VWA8: variants seen among roughly 807,000 people sequenced by gnomAD.
The protein encoded by VWA8 is von Willebrand factor A domain-containing protein 8.
VWA8 carries 221 observed loss-of-function variants against 241.5 expected under a neutral mutation model. That is an observed-to-expected ratio of 0.91 (90% CI 0.82 to 1.02). The LOEUF is 1.02. Among genes scored for constraint, VWA8 ranks in the 50% least tolerant of loss-of-function variants. The pLI, the probability that VWA8 is intolerant of heterozygous loss-of-function variation, is 0.00. For synonymous variants in VWA8, 852 were observed against 827.1 expected, an observed-to-expected ratio of 1.03 and a Z score of -0.52; for missense variants, 2,322 against 2,328.7, an observed-to-expected ratio of 1.00 and a Z score of 0.06.
At chr13:41,877,369 G>C (rs1322296838) in intron 9 of VWA8, among the ~76,000 whole-genome samples, 1 of 150,610 alleles carries the variant, frequency 6.6e-6, no homozygotes, top group Non-Finnish European at 1.5e-5. Context: ...TTACTGCTTT[G>C]ACCAGAGCTA....
intron 21 of VWA8, among the ~76,000 whole-genome samples, chr13:41,739,682 CTATTT>C (rs1464703130): frequency 1.3e-5 from 2 of 152,162 alleles, no homozygotes; most frequent in South Asian, 4.2e-4. Flanking sequence ...TACCATTTAC[CTATTT>C]TATTGAGTCT....
chr13:41,620,090 G>A (rs557186390), intron 37 of VWA8, among the ~76,000 whole-genome samples: 21 of 152,194 alleles, frequency 1.4e-4, no homozygotes, highest in African/African-American at 4.6e-4. Context: ...CTGTGAATCC[G>A]TCTGGTCCTG....
intron 2 of VWA8, among the ~76,000 whole-genome samples, chr13:41,932,678 T>C (rs950255728): frequency 6.6e-6 from 1 of 151,562 alleles, no homozygotes; most frequent in African/African-American, 2.4e-5. Context: ...ATCAATGTAA[T>C]TCACCACATT....
intron 20 of VWA8, among the ~76,000 whole-genome samples, chr13:41,775,310 T>C (rs1483748145): frequency 6.6e-6 from 1 of 152,228 alleles, no homozygotes; most frequent in Admixed American, 6.5e-5. Context: ...GAAAACTCTT[T>C]TGATATGAAA....
intron 17 of VWA8, among the ~76,000 whole-genome samples, chr13:41,790,307 G>A (rs1031236249): frequency 6.6e-6 from 1 of 152,070 alleles, no homozygotes; most frequent in East Asian, 1.9e-4. Flanking sequence ...TGTATGATTA[G>A]TTCGATCAGA....
intron 21 of VWA8, among the ~76,000 whole-genome samples, chr13:41,758,787 A>G (rs1429218596): frequency 1.3e-5 from 2 of 151,280 alleles, no homozygotes; most frequent in Non-Finnish European, 3.0e-5. Flanking sequence ...ATTTTTAAAT[A>G]TGAAGTTTAG....
In VWA8 at chr13:41,906,894, A is replaced by G. The variant is rs370143666; in HGVS notation, c.483+692T>C. ...TTAATCTTTGCCAATCTGAGAGGTA[A>G]AAGAAAAATAGCAGCTGACAGTCTT... is the stretch of plus-strand genomic sequence containing the variant. On this transcript the variant is annotated intron_variant, in intron 4 of 44. Coordinates refer to ENST00000379310, the MANE Select transcript of VWA8 (RefSeq NM_015058.2). Among the ~76,000 whole-genome samples the G allele has an allele frequency of 2.6e-5, 4 of 152,312 alleles. No individual in the cohort carries two copies. The South Asian group carries it at 8.3e-4, about 32-fold the overall frequency.
intron 37 of VWA8, among the ~76,000 whole-genome samples, chr13:41,664,506 G>C (rs2044973826): frequency 6.6e-6 from 1 of 151,746 alleles, no homozygotes; most frequent in African/African-American, 2.4e-5. Flanking sequence ...CCTTCCTTGA[G>C]TCTAAGTAAA....
rs759014076 is a variant in VWA8, at chr13:41,594,206, T to C, written c.4987-3441A>G. Among the ~76,000 whole-genome samples the C allele has an allele frequency of 3.3e-5, 5 of 151,866 alleles. No individual in the cohort carries two copies. In the East Asian group the frequency reaches 7.7e-4, roughly 23 times the overall value. The stretch of plus-strand genomic sequence containing the variant: ...TCATAGCTCACTGCACCCTTGAACT[T>C]TGAACTCCTGGGCTCTAGTGATCTT... On this transcript the variant is annotated intron_variant, in intron 40 of 44. Coordinates refer to ENST00000379310, the MANE Select transcript of VWA8 (RefSeq NM_015058.2).
chr13:41,739,864 T>TTTG (rs2045555804), intron 21 of VWA8, among the ~76,000 whole-genome samples: 1 of 120,794 alleles, frequency 8.3e-6, no homozygotes, highest in African/African-American at 3.1e-5. Context: ...TTTGTTTTTT[T>TTTG]TTTTTTTTGA....
chr13:41,573,847 C>T (rs554663635), intron 43 of VWA8, among the ~76,000 whole-genome samples: 279 of 152,034 alleles, frequency 1.8e-3, no homozygotes, highest in Non-Finnish European at 3.1e-3. Flanking sequence ...GTATCGAGCT[C>T]CTGGCCTCAG....
At chr13:41,568,637 T>C (rs1462690076) in intron 44 of VWA8, among the ~76,000 whole-genome samples, 1 of 152,232 alleles carries the variant, frequency 6.6e-6, no homozygotes, top group South Asian at 2.1e-4. Flanking sequence ...GCCATAGGGA[T>C]TCATATGGAA....
At chr13:41,721,661 C>A in intron 24 of VWA8, 86 bp from the exon 25 acceptor site, 2 of 1,367,762 alleles carry the variant, frequency 1.5e-6, no homozygotes, top group Non-Finnish European at 2.0e-6. Context: ...TTTAAAGAGC[C>A]ACTGGTTGCT....
chr13:41,893,306 A>C (rs1442345666), intron 4 of VWA8, among the ~76,000 whole-genome samples: 1 of 152,184 alleles, frequency 6.6e-6, no homozygotes. Context: ...GTGTCTACAT[A>C]ATGTTGTAAA....
Position 41,701,541 on chromosome 13 carries a change from G to T in VWA8, c.3226-11C>A. The T allele has an allele frequency of 6.5e-7, 1 of 1,533,658 alleles. No individual in the cohort carries two copies. Among genetic ancestry groups the T allele is most frequent in the Non-Finnish European group, 8.7e-7 (1 of 1,145,196 alleles). On this transcript the variant is annotated splice_polypyrimidine_tract_variant and intron_variant, in intron 27 of 44. Transcript: ENST00000379310. ...TATAAGTGCTGGACCCTATAATAAA[G>T]CAGTTATCTCAGTTAAGATATTTTG...
intron 10 of VWA8, 146 bp downstream of exon 10, chr13:41,868,200 G>T: frequency 1.2e-6 from 1 of 831,222 alleles, no homozygotes; most frequent in Non-Finnish European, 1.8e-6. Flanking sequence ...AAGCACACAT[G>T]ACTCTGGAGA....
At chr13:41,758,395 C>A (rs1238214556) in intron 21 of VWA8, among the ~76,000 whole-genome samples, 7 of 6,352 alleles carry the variant, frequency 1.1e-3, no homozygotes, top group African/African-American at 2.4e-3. Flanking sequence ...TATATATACG[C>A]TAGTATATAT....
At chr13:41,747,189 A>G (rs1461570771) in intron 21 of VWA8, among the ~76,000 whole-genome samples, 3 of 152,334 alleles carry the variant, frequency 2.0e-5, no homozygotes, top group African/African-American at 7.2e-5. Flanking sequence ...TACCTTGGGC[A>G]GTATGGCCAT....
intron 41 of VWA8, among the ~76,000 whole-genome samples, chr13:41,588,309 G>C (rs1036711708): frequency 6.6e-6 from 1 of 152,186 alleles, no homozygotes; most frequent in Non-Finnish European, 1.5e-5. Context: ...GCATAAAAGT[G>C]ACATCAAATT....
Sources: allele counts gnomAD v4.1 joint callset (sites outside exome capture counted in the v4.1 genomes callset), GRCh38; gene constraint gnomAD v4.1.1; transcripts MANE v1.5; gene names NCBI Gene and HGNC (gene_info 2026-07-23, HGNC 2026-07-21).